Variants in NSD2 observed in about 807,000 individuals in gnomAD.
The protein encoded by NSD2 is histone-lysine N-methyltransferase NSD2.
NSD2 carries 12 observed loss-of-function variants against 139.0 expected under a neutral mutation model. The observed-to-expected ratio is 0.09, with a 90% CI of 0.06 to 0.14. The LOEUF is 0.14. Among genes scored for constraint, NSD2 ranks in the 10% least tolerant of loss-of-function variants. NSD2 has a pLI of 1.00. For synonymous variants in NSD2, 669 were observed against 648.7 expected, an observed-to-expected ratio of 1.03 and a Z score of -0.48; for missense variants, 1,155 against 1,745.0, an observed-to-expected ratio of 0.66 and a Z score of 6.02.
intron 15 of NSD2, among the ~76,000 whole-genome samples, chr4:1,957,108 CTT>C (rs1451603224): frequency 6.6e-6 from 1 of 152,158 alleles, no homozygotes; most frequent in Non-Finnish European, 1.5e-5. Context: ...TTGTGGCTGA[CTT>C]GGGGCTGCAA....
At position 1,942,001 on chromosome 4, in the gene NSD2, AC is replaced by A. The variant is rs1427811885; in HGVS notation, c.1881+2226del. On this transcript the variant is annotated intron_variant, in intron 9 of 21. Transcript: ENST00000508803. The surrounding 1 kb of genome is among the most constrained non-coding windows in gnomAD (Gnocchi z 4.0). ...CTGTTTGAGGTCCACACTGACACAC[AC>A]CCATTGGGTCACACCCCCTTTGCAT... The A allele has an allele frequency of 1.2e-5, 14 of 1,124,014 alleles. No individual in the cohort carries two copies. Among genetic ancestry groups the A allele is most frequent in the Middle Eastern group, 7.6e-4 (2 of 2,624 alleles). The allele number at this position is 1,124,014 out of a possible 1,614,324, so 69.6% of individuals were successfully genotyped here.
chr4:1,909,890 C>T (rs1213477519), intron 3 of NSD2, among the ~76,000 whole-genome samples: 3 of 151,650 alleles, frequency 2.0e-5, no homozygotes, highest in African/African-American at 2.4e-5. Context: ...CCGCCCAACT[C>T]GGCCTCCCAA....
chr4:1,918,038 C>T lies in NSD2; in HGVS notation c.928-103C>T, dbSNP rs748293066. The T allele has an allele frequency of 4.3e-6, 6 of 1,400,054 alleles. No individual in the cohort carries two copies. The East Asian group carries it at 1.4e-4, about 33-fold the overall frequency. The allele number at this position is 1,400,054 out of a possible 1,614,324, so 86.7% of individuals were successfully genotyped here. A position where few individuals can be genotyped will look rare whatever the true frequency, so the allele number is the denominator to read the frequency against. Reference sequence around the variant, plus strand: ...TCAAGTGATCCATCTGCCTTGACACCCATAAGTGCTGGAATTATAGGCATG... The same window carrying T: ...TCAAGTGATCCATCTGCCTTGACACTCATAAGTGCTGGAATTATAGGCATG... On this transcript the variant is annotated intron_variant, in intron 4 of 21. Transcript: ENST00000508803.
rs1727536069 is a variant in NSD2, at chr4:1,979,502, G to GC, written c.*596dup. ...TCTTTTCCATCCTAGTGAGAAGCTG[G>GC]CCCTGCAGGTGGTGGCAGCAATGGT... On this transcript the variant is annotated 3_prime_UTR_variant, in exon 22 of 22. Transcript: ENST00000508803. 4.3e-6 allele frequency: 1 copy of GC among 233,016 alleles called. No individual in the cohort carries two copies. Among genetic ancestry groups the GC allele is most frequent in the African/African-American group, 2.2e-5 (1 of 45,326 alleles). The allele number at this position is 233,016 out of a possible 1,614,324, so 14.4% of individuals were successfully genotyped here. A position where few individuals can be genotyped will look rare whatever the true frequency, so the allele number is the denominator to read the frequency against.
chr4:1,967,046 AAG>A (rs1291210852), intron 18 of NSD2, among the ~76,000 whole-genome samples: 24 of 152,200 alleles, frequency 1.6e-4, no homozygotes, highest in African/African-American at 5.8e-4. Context: ...CTAGGAAAAA[AAG>A]AGAAAAGACT....
chr4:1,967,234 G>A (rs1725980033), intron 18 of NSD2, among the ~76,000 whole-genome samples: 1 of 152,146 alleles, frequency 6.6e-6, no homozygotes, highest in Non-Finnish European at 1.5e-5. Flanking sequence ...TGAAAAAAAT[G>A]GAAAATCTGA....
At chr4:1,941,800 A>C (rs1723127123) in intron 9 of NSD2, 1 of 1,051,188 alleles carries the variant, frequency 9.5e-7, no homozygotes, top group East Asian at 5.5e-5. Flanking sequence ...AAACTACTTT[A>C]GGTGAACAAA....
At chr4:1,897,132 T>TG (rs201210085) in intron 1 of NSD2, among the ~76,000 whole-genome samples, 1,780 of 151,234 alleles carry the variant, frequency 0.012, 36 homozygotes, top group African/African-American at 0.041. Flanking sequence ...ATCATACCAC[T>TG]GCACTCCAGC....
At chr4:1,953,225 C>G in intron 11 of NSD2, 99 bp from the exon 12 acceptor site, 1 of 1,601,124 alleles carries the variant, frequency 6.2e-7, no homozygotes, top group Non-Finnish European at 8.5e-7. Context: ...AGCATGGCTG[C>G]CTCTGAAGAG....
At position 1,918,506 on chromosome 4, in the gene NSD2, C is replaced by T. The variant is rs750069519; in HGVS notation, c.1293C>T (p.Pro431=). The T allele has an allele frequency of 2.5e-6, 4 of 1,613,976 alleles. No homozygotes were observed. Among genetic ancestry groups the T allele is most frequent in the Non-Finnish European group, 3.4e-6 (4 of 1,179,958 alleles). The part of the protein sequence containing the change: ...STPQKTAEAD[P]RRGVGSPPGR... ...CTCAAAAGACGGCAGAGGCTGACCC[C>T]AGAAGAGGAGTAGGGTCTCCTCCTG... Residue 431 remains proline (P), a synonymous_variant, in exon 5 of 22, where the codon CCC becomes CCT. Transcript: ENST00000508803.
At chr4:1,927,656 T>C (rs1721097334) in intron 5 of NSD2, among the ~76,000 whole-genome samples, 1 of 137,184 alleles carries the variant, frequency 7.3e-6, no homozygotes, top group East Asian at 2.1e-4. Flanking sequence ...GAGGCAGAGG[T>C]TGCAGTGAGC....
intron 18 of NSD2, among the ~76,000 whole-genome samples, chr4:1,967,349 G>GC (rs1395053502): frequency 1.3e-5 from 2 of 152,226 alleles, no homozygotes; most frequent in African/African-American, 4.8e-5. Context: ...GGAGGCCGAG[G>GC]CCGGCAGATC....
At position 1,930,545 on chromosome 4, in the gene NSD2, G is replaced by A. The variant is rs1415675684; in HGVS notation, c.1411-81G>A. On this transcript the variant is annotated intron_variant, in intron 5 of 21. Coordinates refer to ENST00000508803, the MANE Select transcript of NSD2 (RefSeq NM_001042424.3). ...GCGACACACTAAGTTCTAAAGGGCC[G>A]TGCATTTGATTTCATGCAAAACAAA... is the stretch of plus-strand genomic sequence containing the variant. The A allele has an allele frequency of 5.0e-6, 7 of 1,413,338 alleles. No homozygotes were observed. The African/African-American group carries it at 5.7e-5, about 12-fold the overall frequency. 87.5% of individuals were successfully genotyped at this position (1,413,338 alleles called of 1,614,324 possible).
chr4:1,953,271 T>G (rs1724470891), intron 11 of NSD2, 53 bp from the exon 12 acceptor site: 1 of 1,614,174 alleles, frequency 6.2e-7, no homozygotes, highest in Non-Finnish European at 8.5e-7. Flanking sequence ...AACTGCAATT[T>G]AATTCTTGTT....
chr4:1,950,615 G>A lies in NSD2; in HGVS notation c.1882-457G>A, dbSNP rs1724112373. Among the ~76,000 whole-genome samples the A allele has an allele frequency of 1.3e-5, 2 of 152,338 alleles. 1 individual carries two copies. The highest frequency in any genetic ancestry group is 3.9e-4 in the East Asian group (2 of 5,178). On this transcript the variant is annotated intron_variant, in intron 9 of 21. Coordinates refer to ENST00000508803, the MANE Select transcript of NSD2 (RefSeq NM_001042424.3). ...CGGCAGCTGGACTGCACGGTCACCT[G>A]ATGAGGCTGACACTTACTTCATCTG...
intron 9 of NSD2, chr4:1,945,048 G>A: frequency 9.4e-7 from 1 of 1,066,266 alleles, no homozygotes; most frequent in Non-Finnish European, 1.1e-6. Context: ...CCTTGGACAG[G>A]AGTCGGGGGC....
At chr4:1,962,065 C>T (rs1725425125) in intron 18 of NSD2, among the ~76,000 whole-genome samples, 2 of 152,100 alleles carry the variant, frequency 1.3e-5, no homozygotes, top group African/African-American at 4.8e-5. Context: ...GTGATGAGAC[C>T]TAGAGAGAAA....
At position 1,976,582 on chromosome 4, in the gene NSD2, C is replaced by T; in HGVS notation, c.3729C>T (p.Phe1243=). The T allele has an allele frequency of 6.2e-7, 1 of 1,612,960 alleles. No individual in the cohort carries two copies. The highest frequency in any genetic ancestry group is 8.5e-7 in the Non-Finnish European group (1 of 1,179,556). The part of the protein sequence containing the change: ...EGKRQSEDEC[F]RCGDGGQLVL... ...AGAGGCAGTCAGAGGACGAGTGCTT[C>T]CGCTGCGGTGATGGCGGGCAGCTGG... Residue 1243 remains phenylalanine (F), a synonymous_variant, in exon 21 of 22, where the codon TTC becomes TTT. Coordinates refer to ENST00000508803, the MANE Select transcript of NSD2 (RefSeq NM_001042424.3). This position sits in a 1 kb window ranked among gnomAD's most constrained non-coding sequence, Gnocchi z 5.3.
chr4:1,930,913 C>T (rs1239165212), intron 6 of NSD2, 143 bp downstream of exon 6: 10 of 1,012,544 alleles, frequency 9.9e-6, no homozygotes, highest in African/African-American at 3.2e-5. Flanking sequence ...GGTCCAAGTG[C>T]GTGTGGTCAC....
Sources: gnomAD v4.1 joint callset for allele counts (sites outside exome capture counted in the v4.1 genomes callset) on GRCh38, gnomAD v4.1.1 for gene constraint, Gnocchi (gnomAD v3.1) non-coding constraint, MANE v1.5 for transcripts, NCBI Gene and HGNC (gene_info 2026-07-23, HGNC 2026-07-21) for gene names.